The following SLC14A2 variants were observed in gnomAD, a reference collection of about 807,000 sequenced individuals.
SLC14A2 encodes the protein urea transporter 2.
A neutral mutation model predicts 104.6 loss-of-function variants in SLC14A2; 91 were observed. The observed-to-expected ratio is 0.87, with a 90% CI of 0.73 to 1.04. The LOEUF is 1.04. Ranked by LOEUF, SLC14A2 falls within the 50% of genes least tolerant of loss-of-function variation. SLC14A2 has a pLI of 0.00. For synonymous variants in SLC14A2, 476 were observed against 466.4 expected (o/e 1.02, Z -0.27); for missense variants, 1,189 against 1,156.0 (o/e 1.03, Z -0.41).
At chr18:45,391,682 A>G (rs190112436) in intron 1 of SLC14A2, among the ~76,000 whole-genome samples, 28 of 152,248 alleles carry the variant, frequency 1.8e-4, no homozygotes, top group African/African-American at 3.9e-4. Flanking sequence ...GCCAGTGATG[A>G]TGAGCATTTT....
intron 1 of SLC14A2, among the ~76,000 whole-genome samples, chr18:45,310,396 G>C (rs1009612296): frequency 6.6e-6 from 1 of 152,058 alleles, no homozygotes; most frequent in African/African-American, 2.4e-5. Flanking sequence ...CATTGTTTTG[G>C]GCAAAACAGG....
chr18:45,581,597 C>T (rs1179937005), intron 2 of SLC14A2, among the ~76,000 whole-genome samples: 1 of 152,140 alleles, frequency 6.6e-6, no homozygotes, highest in African/African-American at 2.4e-5. Flanking sequence ...GCCACTCACC[C>T]AAGGTAAGTG....
intron 1 of SLC14A2, among the ~76,000 whole-genome samples, chr18:45,324,302 G>C (rs1352886470): frequency 4.6e-5 from 7 of 152,138 alleles, no homozygotes; most frequent in African/African-American, 1.7e-4. Context: ...CCTTGTACTT[G>C]TGAAACCAGC....
intron 1 of SLC14A2, among the ~76,000 whole-genome samples, chr18:45,340,361 C>A (rs929285472): frequency 6.6e-6 from 1 of 152,180 alleles, no homozygotes; most frequent in African/African-American, 2.4e-5. Context: ...TCCTCCTGAT[C>A]GCCCTGAGAA....
intron 8 of SLC14A2, 48 bp from the exon 9 acceptor site, chr18:45,643,084 G>C (rs765664063): frequency 1.9e-6 from 3 of 1,593,488 alleles, no homozygotes; most frequent in East Asian, 2.2e-5. Context: ...AGTGGCTTAG[G>C]GGGAAGGCCC....
Position 45,626,950 on chromosome 18 carries a change from T to C in SLC14A2, c.332-8T>C. On this transcript the variant is annotated splice_region_variant and splice_polypyrimidine_tract_variant and intron_variant, in intron 3 of 19. Coordinates refer to ENST00000255226, the MANE Select transcript of SLC14A2 (RefSeq NM_007163.4). ...ACCTGCTGATGGCTCGCTCTCTGTC[T>C]CTTTCAGACAAGCACCTTGCCCTCC... is the stretch of plus-strand genomic sequence containing the variant. 1 of 1,606,076 alleles carries C rather than the reference T, an allele frequency of 6.2e-7. No individual in the cohort carries two copies. The highest frequency in any genetic ancestry group is 8.5e-7 in the Non-Finnish European group (1 of 1,175,210).
chr18:45,422,228 G>A (rs1284459754), intron 1 of SLC14A2, among the ~76,000 whole-genome samples: 2 of 152,286 alleles, frequency 1.3e-5, no homozygotes, highest in East Asian at 3.9e-4. Context: ...GCAGGAAGAA[G>A]CTGGATCCAA....
chr18:45,616,176 A>G (rs2045068999), intron 1 of SLC14A2, among the ~76,000 whole-genome samples: 1 of 152,148 alleles, frequency 6.6e-6, no homozygotes, highest in Non-Finnish European at 1.5e-5. Context: ...AGAGCTTTTT[A>G]ACTTCTCCCC....
chr18:45,450,434 T>C (rs949610342), intron 1 of SLC14A2, among the ~76,000 whole-genome samples: 6 of 152,200 alleles, frequency 3.9e-5, no homozygotes, highest in African/African-American at 1.2e-4. Flanking sequence ...TTGAGAATTA[T>C]ATACAGCTGG....
At chr18:45,226,815 A>T (rs997285484) in intron 1 of SLC14A2, among the ~76,000 whole-genome samples, 11 of 152,020 alleles carry the variant, frequency 7.2e-5, no homozygotes, top group Non-Finnish European at 1.3e-4. Flanking sequence ...TAATAATAAT[A>T]ATAAAATAAT....
At chr18:45,547,873 A>G (rs2043996332) in intron 2 of SLC14A2, among the ~76,000 whole-genome samples, 1 of 152,188 alleles carries the variant, frequency 6.6e-6, no homozygotes, top group Non-Finnish European at 1.5e-5. Flanking sequence ...AGATAATGAG[A>G]AAGTCTATGA....
chr18:45,368,682 GCAAGGGAGAAATACA>G (rs753892051), intron 1 of SLC14A2, among the ~76,000 whole-genome samples: 4 of 152,172 alleles, frequency 2.6e-5, no homozygotes, highest in Admixed American at 6.5e-5. Context: ...GGCCATGCAG[GCAAGGGAGAAATACA>G]AAAAGCAAGT....
chr18:45,383,685 TC>T (rs1249590406), intron 1 of SLC14A2, among the ~76,000 whole-genome samples: 2 of 152,310 alleles, frequency 1.3e-5, no homozygotes, highest in Non-Finnish European at 2.9e-5. Context: ...ATGCTCTGGA[TC>T]CAATTAGACC....
At chr18:45,229,056 G>T (rs944572305) in intron 1 of SLC14A2, among the ~76,000 whole-genome samples, 1 of 152,154 alleles carries the variant, frequency 6.6e-6, no homozygotes, top group Non-Finnish European at 1.5e-5. Context: ...AGACTGTTTC[G>T]TTTACCATGT....
chr18:45,211,062 T>G (rs2083957215), upstream of SLC14A2, among the ~76,000 whole-genome samples: 1 of 152,232 alleles, frequency 6.6e-6, no homozygotes, highest in Non-Finnish European at 1.5e-5. Context: ...TTGTGATCTC[T>G]CTTTTCAGAT....
Position 45,632,349 on chromosome 18 carries a change from G to T in SLC14A2, c.522-1G>T, listed in dbSNP as rs2045358340. 2 of 1,610,906 alleles carry T rather than the reference G, an allele frequency of 1.2e-6. No homozygotes were observed. The highest frequency in any genetic ancestry group is 4.5e-5 in the East Asian group (2 of 44,690). On this transcript the variant is annotated splice_acceptor_variant, in intron 4 of 19. Transcript: ENST00000255226. LOFTEE classifies it high-confidence loss of function. Reference sequence around the variant, plus strand: ...GCAAAATCAGTCTGTTTCACCGCCAGGTCTGCCATTGCCTCAGGACTCCAT... The same window carrying T: ...GCAAAATCAGTCTGTTTCACCGCCATGTCTGCCATTGCCTCAGGACTCCAT...
intron 1 of SLC14A2, among the ~76,000 whole-genome samples, chr18:45,361,307 G>A (rs2085608602): frequency 6.6e-6 from 1 of 152,062 alleles, no homozygotes; most frequent in Non-Finnish European, 1.5e-5. Flanking sequence ...TTGTTATAAG[G>A]GGGTGGCCTT....
At position 45,478,171 on chromosome 18, in the gene SLC14A2, G is replaced by A. The variant is rs568717430; in HGVS notation, c.-124-5062G>A. On this transcript the variant is annotated intron_variant, in intron 1 of 20. Transcript: ENST00000586448. ...TTGCAAAGACCATGGGAAAAGAATA[G>A]TATCTGAGCCAGAATGCACTGTTCC... Among the ~76,000 whole-genome samples the A allele has an allele frequency of 2.0e-5, 3 of 152,308 alleles. No homozygotes were observed. The East Asian group carries it at 5.8e-4, about 29-fold the overall frequency.
intron 1 of SLC14A2, among the ~76,000 whole-genome samples, chr18:45,327,421 A>G (rs2085246780): frequency 1.3e-5 from 2 of 152,184 alleles, no homozygotes; most frequent in Non-Finnish European, 2.9e-5. Context: ...GGCATTAAGT[A>G]CATTCGCAAT....
Sources: gnomAD v4.1 joint callset for allele counts (sites outside exome capture counted in the v4.1 genomes callset) on GRCh38, gnomAD v4.1.1 for gene constraint, MANE v1.5 for transcripts, NCBI Gene and HGNC (gene_info 2026-07-23, HGNC 2026-07-21) for gene names.